CCSER1: variants seen among roughly 807,000 people sequenced by gnomAD.
The protein encoded by CCSER1 is serine-rich coiled-coil domain-containing protein 1.
In CCSER1, 41 loss-of-function variants were observed where a neutral mutation model predicts 82.0. The ratio of observed to expected loss-of-function variants is 0.50; its 90% CI spans 0.39 to 0.65. The LOEUF (loss-of-function observed/expected upper bound fraction) is 0.65, where lower values mean the gene tolerates loss of function less well. CCSER1 is among the 30% of genes least tolerant of loss of function. The pLI is 0.00. For missense variants in CCSER1, 1,119 were observed against 1,064.2 expected, an observed-to-expected ratio of 1.05 and a Z score of -0.72; for synonymous variants, 414 against 383.9, an observed-to-expected ratio of 1.08 and a Z score of -0.92.
At chr4:90,449,780 G>T (rs1220810764) in intron 4 of CCSER1, among the ~76,000 whole-genome samples, 1 of 152,220 alleles carries the variant, frequency 6.6e-6, no homozygotes, top group African/African-American at 2.4e-5. Flanking sequence ...TCACTTCCAA[G>T]CCTCCAAGAG....
intron 8 of CCSER1, among the ~76,000 whole-genome samples, chr4:90,861,428 G>T (rs937322771): frequency 2.0e-5 from 3 of 151,686 alleles, no homozygotes; most frequent in African/African-American, 7.3e-5. Flanking sequence ...GCAGCTATAG[G>T]ATTATACTTA....
intron 7 of CCSER1, chr4:90,781,430 A>G: frequency 1.0e-6 from 1 of 985,090 alleles, no homozygotes; most frequent in Non-Finnish European, 1.2e-6. Context: ...AACCTAACTC[A>G]TGGCATTTCT....
At chr4:91,520,722 T>C (rs887845986) in intron 10 of CCSER1, among the ~76,000 whole-genome samples, 3 of 152,164 alleles carry the variant, frequency 2.0e-5, no homozygotes, top group African/African-American at 7.2e-5. Context: ...GGCAACAAAT[T>C]CCCTTAGTTT....
At chr4:90,943,199 G>A (rs1488863505) in intron 9 of CCSER1, among the ~76,000 whole-genome samples, 1 of 151,946 alleles carries the variant, frequency 6.6e-6, no homozygotes, top group Non-Finnish European at 1.5e-5. Context: ...GATAACAACA[G>A]TAAGCTTGAA....
intron 10 of CCSER1, among the ~76,000 whole-genome samples, chr4:91,168,910 G>A (rs1031849068): frequency 5.3e-5 from 8 of 152,090 alleles, no homozygotes; most frequent in African/African-American, 1.4e-4. Flanking sequence ...CCCCAACCCC[G>A]TGCTCTCTGA....
At chr4:91,305,043 C>T (rs770916207) in intron 10 of CCSER1, among the ~76,000 whole-genome samples, 2 of 151,904 alleles carry the variant, frequency 1.3e-5, no homozygotes, top group Admixed American at 6.6e-5. Context: ...CATCTGAAAC[C>T]TCAAACACAT....
At chr4:90,572,278 A>G (rs963526011) in intron 5 of CCSER1, among the ~76,000 whole-genome samples, 3 of 152,130 alleles carry the variant, frequency 2.0e-5, no homozygotes, top group African/African-American at 7.2e-5. Flanking sequence ...TGCTTTCAGA[A>G]TACTCTCTTT....
intron 10 of CCSER1, among the ~76,000 whole-genome samples, chr4:91,101,158 A>C (rs372147096): frequency 1.4e-3 from 212 of 152,332 alleles, no homozygotes; most frequent in African/African-American, 5.0e-3. Flanking sequence ...AGACACGCAC[A>C]TGCATAGAAA....
intron 3 of CCSER1, among the ~76,000 whole-genome samples, chr4:90,396,966 C>T (rs1459334394): frequency 2.0e-5 from 3 of 152,096 alleles, no homozygotes; most frequent in Admixed American, 1.3e-4. Flanking sequence ...CTATTGGTGA[C>T]TGTTGCTGCT....
intron 9 of CCSER1, among the ~76,000 whole-genome samples, chr4:90,926,411 A>G (rs1203521188): frequency 6.6e-6 from 1 of 152,040 alleles, no homozygotes; most frequent in Non-Finnish European, 1.5e-5. Context: ...ATCAGAATAT[A>G]TGATACTACA....
intron 10 of CCSER1, among the ~76,000 whole-genome samples, chr4:91,410,592 T>C (rs1466047804): frequency 6.6e-6 from 1 of 152,178 alleles, no homozygotes; most frequent in Non-Finnish European, 1.5e-5. Context: ...TGATAATCAC[T>C]AGTTTCTTTA....
chr4:91,319,633 A>C, intron 10 of CCSER1: 1 of 455,232 alleles, frequency 2.2e-6, no homozygotes, highest in Non-Finnish European at 4.4e-6. Context: ...CATATTAAAA[A>C]TATTAACCTA....
intron 5 of CCSER1, among the ~76,000 whole-genome samples, chr4:90,599,336 T>G (rs1783763035): frequency 6.6e-6 from 1 of 152,072 alleles, no homozygotes; most frequent in African/African-American, 2.4e-5. Context: ...GTTTTAAAAG[T>G]GTTTGGCAAT....
chr4:90,733,860 T>C (rs1745190482), intron 7 of CCSER1, among the ~76,000 whole-genome samples: 1 of 152,072 alleles, frequency 6.6e-6, no homozygotes, highest in Non-Finnish European at 1.5e-5. Flanking sequence ...TTCTGGGTTC[T>C]CTATTCTGTC....
chr4:90,277,132 C>T (rs538965869), intron 1 of CCSER1, among the ~76,000 whole-genome samples: 2 of 151,708 alleles, frequency 1.3e-5, no homozygotes, highest in South Asian at 2.1e-4. Flanking sequence ...ATGTTAAATA[C>T]GAGTGGTTAG....
At chr4:91,302,604 T>G (rs945775466) in intron 10 of CCSER1, among the ~76,000 whole-genome samples, 3 of 152,000 alleles carry the variant, frequency 2.0e-5, no homozygotes, top group African/African-American at 7.2e-5. Flanking sequence ...TCCTATGGCT[T>G]ATTTATTGTG....
At chr4:90,449,158 C>T (rs1381533933) in intron 4 of CCSER1, among the ~76,000 whole-genome samples, 1 of 152,204 alleles carries the variant, frequency 6.6e-6, no homozygotes, top group Non-Finnish European at 1.5e-5. Flanking sequence ...GTGGATAGCT[C>T]CTCTCTGCAG....
chr4:90,990,814 G>A (rs1019013266), intron 9 of CCSER1, among the ~76,000 whole-genome samples: 5 of 152,020 alleles, frequency 3.3e-5, no homozygotes, highest in South Asian at 2.1e-4. Flanking sequence ...GATGAATTGG[G>A]CATTTATGGG....
intron 10 of CCSER1, among the ~76,000 whole-genome samples, chr4:91,191,731 G>A (rs892861183): frequency 6.6e-6 from 1 of 152,176 alleles, no homozygotes; most frequent in African/African-American, 2.4e-5. Flanking sequence ...TGGCTTGAAA[G>A]TGCTAACTTT....
Sources: allele counts gnomAD v4.1 joint callset (sites outside exome capture counted in the v4.1 genomes callset), GRCh38; gene constraint gnomAD v4.1.1; transcripts MANE v1.5; gene names NCBI Gene and HGNC (gene_info 2026-07-23, HGNC 2026-07-21).